CTIF: variants seen among roughly 807,000 people sequenced by gnomAD.
The protein encoded by CTIF is cap binding complex dependent translation initiation factor.
CTIF carries 21 observed loss-of-function variants against 66.0 expected under a neutral mutation model. The ratio of observed to expected loss-of-function variants is 0.32; its 90% CI spans 0.23 to 0.46. CTIF has a LOEUF of 0.46. CTIF is among the 20% of genes least tolerant of loss of function. CTIF has a pLI of 1.00. For synonymous variants in CTIF, 345 were observed against 326.4 expected, an observed-to-expected ratio of 1.06 and a Z score of -0.62; for missense variants, 739 against 812.7, an observed-to-expected ratio of 0.91 and a Z score of 1.10.
chr18:48,815,967 T>A (rs1338094698), intron 9 of CTIF, among the ~76,000 whole-genome samples: 1 of 152,208 alleles, frequency 6.6e-6, no homozygotes, highest in Non-Finnish European at 1.5e-5. Context: ...ACTATTGACC[T>A]TCACAATGTC....
chr18:48,562,963 T>A (rs971444788), intron 1 of CTIF, among the ~76,000 whole-genome samples: 1 of 152,218 alleles, frequency 6.6e-6, no homozygotes, highest in Non-Finnish European at 1.5e-5. Context: ...CACTTCACAC[T>A]GAAAAGATAT....
At chr18:48,855,673 C>T (rs900549197) in intron 10 of CTIF, among the ~76,000 whole-genome samples, 22 of 152,282 alleles carry the variant, frequency 1.4e-4, no homozygotes, top group African/African-American at 5.3e-4. Flanking sequence ...GAAGTGGGGA[C>T]CAGGATGACG....
Position 48,755,688 on chromosome 18 carries a change from A to G in CTIF, c.585-2231A>G, listed in dbSNP as rs77304138. Reference sequence around the variant, plus strand: ...TTTTGCCCAGGAATGTATATCAGAAACCAACAAGATTGAACTTGGACACCA... The same window carrying G: ...TTTTGCCCAGGAATGTATATCAGAAGCCAACAAGATTGAACTTGGACACCA... On this transcript the variant is annotated intron_variant, in intron 7 of 11. Transcript: ENST00000256413. 761 of 152,350 alleles carry G rather than the reference A, an allele frequency of 5.0e-3. 2 individuals carry two copies. Among genetic ancestry groups the G allele is most frequent in the Middle Eastern group, 0.044 (13 of 294 alleles). The allele number at this position is 152,350 out of a possible 1,614,324, so 9.4% of individuals were successfully genotyped here. A position where few individuals can be genotyped will look rare whatever the true frequency, so the allele number is the denominator to read the frequency against.
chr18:48,851,332 A>G (rs2069195859), intron 10 of CTIF, among the ~76,000 whole-genome samples: 1 of 152,220 alleles, frequency 6.6e-6, no homozygotes, highest in Non-Finnish European at 1.5e-5. Context: ...AAGCAGCCCC[A>G]TCACAGAAAG....
intron 1 of CTIF, among the ~76,000 whole-genome samples, chr18:48,542,908 C>T (rs1568021022): frequency 6.6e-6 from 1 of 152,236 alleles, no homozygotes; most frequent in Non-Finnish European, 1.5e-5. Context: ...CAACAGGTTT[C>T]TGGCGACACG....
chr18:48,641,748 C>T (rs1186311186), intron 3 of CTIF, among the ~76,000 whole-genome samples: 3 of 152,192 alleles, frequency 2.0e-5, no homozygotes, highest in Admixed American at 6.5e-5. Flanking sequence ...TCTGTAACTC[C>T]GTGAAACACC....
chr18:48,775,935 A>G (rs1221996050), intron 9 of CTIF, among the ~76,000 whole-genome samples: 1 of 152,176 alleles, frequency 6.6e-6, no homozygotes, highest in African/African-American at 2.4e-5. Context: ...CTGTAACCAC[A>G]CTGGCCCGTT....
At chr18:48,775,719 A>G (rs952130702) in intron 9 of CTIF, among the ~76,000 whole-genome samples, 4 of 152,206 alleles carry the variant, frequency 2.6e-5, no homozygotes, top group African/African-American at 9.6e-5. Context: ...TAGGTTGAGG[A>G]AGGCTTCCTG....
At chr18:48,711,578 A>G (rs752627511) in intron 6 of CTIF, 41 bp from the exon 7 acceptor site, 4 of 1,526,942 alleles carry the variant, frequency 2.6e-6, no homozygotes, top group East Asian at 4.5e-5. Flanking sequence ...GCTCTCTTTC[A>G]GGAGTTACTA....
chr18:48,752,414 C>T (rs1192865398), intron 7 of CTIF, among the ~76,000 whole-genome samples: 2 of 152,152 alleles, frequency 1.3e-5, no homozygotes, highest in African/African-American at 4.8e-5. Context: ...GCGATGCCCC[C>T]AGTTCTCCAA....
At chr18:48,570,481 C>A (rs2089390155) in intron 1 of CTIF, among the ~76,000 whole-genome samples, 1 of 152,192 alleles carries the variant, frequency 6.6e-6, no homozygotes, top group Non-Finnish European at 1.5e-5. Flanking sequence ...AAGCCTTAGT[C>A]CCTGCCCTGG....
At chr18:48,707,964 T>G (rs1472424192) in intron 6 of CTIF, among the ~76,000 whole-genome samples, 3 of 152,230 alleles carry the variant, frequency 2.0e-5, no homozygotes, top group African/African-American at 7.2e-5. Flanking sequence ...ACTGAAATCA[T>G]GCACTCCGTG....
chr18:48,814,362 A>G (rs2146308404), intron 9 of CTIF, among the ~76,000 whole-genome samples: 1 of 152,312 alleles, frequency 6.6e-6, no homozygotes, highest in African/African-American at 2.4e-5. Flanking sequence ...CCAGTTACAC[A>G]AGACTTTCCG....
intron 2 of CTIF, among the ~76,000 whole-genome samples, chr18:48,635,514 A>G (rs1234163743): frequency 6.6e-6 from 1 of 151,760 alleles, no homozygotes; most frequent in Admixed American, 6.6e-5. Flanking sequence ...TTTAGTAGGG[A>G]CAAGGTGTCT....
At chr18:48,774,901 C>T in intron 9 of CTIF, among the ~76,000 whole-genome samples, 1 of 152,134 alleles carries the variant, frequency 6.6e-6, no homozygotes, top group South Asian at 2.1e-4. Context: ...ATTGGAGCGC[C>T]ACATATTGGA....
At chr18:48,818,345 T>A (rs2068413197) in intron 10 of CTIF, among the ~76,000 whole-genome samples, 1 of 152,130 alleles carries the variant, frequency 6.6e-6, no homozygotes, top group Non-Finnish European at 1.5e-5. Context: ...GACTCGGTAA[T>A]GTGAGTTGGA....
intron 7 of CTIF, among the ~76,000 whole-genome samples, chr18:48,732,069 A>G (rs1598944098): frequency 6.6e-6 from 1 of 152,370 alleles, no homozygotes; most frequent in East Asian, 1.9e-4. Flanking sequence ...CACCCCGAAG[A>G]GAATGAAGTT....
intron 1 of CTIF, among the ~76,000 whole-genome samples, chr18:48,602,492 A>G (rs1170307506): frequency 6.6e-6 from 1 of 152,208 alleles, no homozygotes; most frequent in Middle Eastern, 3.2e-3. Context: ...TTGACAGCAT[A>G]TTTTCTCTGT....
intron 7 of CTIF, among the ~76,000 whole-genome samples, chr18:48,712,829 G>A (rs2092241408): frequency 6.6e-6 from 1 of 152,216 alleles, no homozygotes; most frequent in Non-Finnish European, 1.5e-5. Flanking sequence ...CAACTCTCAG[G>A]GTGGATGTAG....
Sources: gnomAD v4.1 joint callset for allele counts (sites outside exome capture counted in the v4.1 genomes callset) on GRCh38, gnomAD v4.1.1 for gene constraint, MANE v1.5 for transcripts, NCBI Gene and HGNC (gene_info 2026-07-23, HGNC 2026-07-21) for gene names.